Variants in ANO10 observed in about 807,000 individuals in gnomAD.
ANO10 encodes the protein anoctamin 10, also known as anoctamin-10.
Under a neutral mutation model 74.7 loss-of-function variants are expected in ANO10, and 77 were observed. The ratio of observed to expected loss-of-function variants is 1.03; its 90% CI spans 0.86 to 1.25. The LOEUF is 1.25. Ranked by LOEUF, ANO10 falls within the 50% of genes most tolerant of loss-of-function variation. ANO10 has a pLI of 0.00. For missense variants in ANO10, 721 were observed against 778.1 expected, an observed-to-expected ratio of 0.93 and a Z score of 0.87; for synonymous variants, 279 against 284.9, an observed-to-expected ratio of 0.98 and a Z score of 0.21.
At chr3:43,653,196 C>T (rs1238473538) in intron 1 of ANO10, among the ~76,000 whole-genome samples, 1 of 151,734 alleles carries the variant, frequency 6.6e-6, no homozygotes, top group African/African-American at 2.4e-5. Flanking sequence ...GGTGACAGAG[C>T]AAGACTCCGT....
intron 12 of ANO10, among the ~76,000 whole-genome samples, chr3:43,429,662 C>T (rs1227091745): frequency 6.6e-6 from 1 of 152,078 alleles, no homozygotes; most frequent in Non-Finnish European, 1.5e-5. Context: ...TAAACTGACA[C>T]CTAAAATCTT....
intron 1 of ANO10, among the ~76,000 whole-genome samples, chr3:43,663,154 G>C (rs2149573816): frequency 6.6e-6 from 1 of 152,280 alleles, no homozygotes; most frequent in Non-Finnish European, 1.5e-5. Context: ...TAAAATGCTG[G>C]CAAACCGAAT....
intron 12 of ANO10, among the ~76,000 whole-genome samples, chr3:43,426,106 T>C (rs1575757224): frequency 6.6e-6 from 1 of 151,716 alleles, no homozygotes; most frequent in African/African-American, 2.4e-5. Flanking sequence ...AGCCCATCCC[T>C]CCCCCGCCTC....
At chr3:43,690,802 G>A (rs2084352707) in intron 1 of ANO10, 3 of 474,528 alleles carry the variant, frequency 6.3e-6, no homozygotes, top group East Asian at 3.7e-5. Flanking sequence ...GCTGGCTGGG[G>A]ATGGCGGACG....
intron 11 of ANO10, among the ~76,000 whole-genome samples, chr3:43,479,785 C>T (rs2076199341): frequency 6.6e-6 from 1 of 152,126 alleles, no homozygotes. Flanking sequence ...GGAGATAGAG[C>T]CTAGGACCTC....
chr3:43,556,351 T>C (rs1413021205), intron 9 of ANO10, among the ~76,000 whole-genome samples: 2 of 152,168 alleles, frequency 1.3e-5, no homozygotes, highest in Admixed American at 6.5e-5. Flanking sequence ...AGGTGTGCTA[T>C]TGGGAAGCCT....
chr3:43,457,870 A>G (rs548334506), intron 11 of ANO10, among the ~76,000 whole-genome samples: 2 of 152,314 alleles, frequency 1.3e-5, no homozygotes, highest in East Asian at 3.9e-4. Flanking sequence ...AGAGTTCTGC[A>G]GTGGTGTACC....
chr3:43,638,267 T>G (rs547631611), intron 1 of ANO10, among the ~76,000 whole-genome samples: 7 of 152,358 alleles, frequency 4.6e-5, no homozygotes, highest in African/African-American at 1.7e-4. Flanking sequence ...GATATTTTTG[T>G]TGAAATTATG....
intron 11 of ANO10, among the ~76,000 whole-genome samples, chr3:43,544,473 T>C (rs1352442855): frequency 6.6e-6 from 1 of 151,848 alleles, no homozygotes; most frequent in Non-Finnish European, 1.5e-5. Context: ...CAGTTTCATC[T>C]GTACTAAATC....
intron 3 of ANO10, 80 bp from the exon 4 acceptor site, chr3:43,598,746 T>C: frequency 2.6e-6 from 3 of 1,171,900 alleles, no homozygotes; most frequent in Admixed American, 2.2e-5. Context: ...ACAGAAATAA[T>C]GGTATAAACA....
At position 43,509,083 on chromosome 3, in the gene ANO10, C is replaced by T. The variant is rs903839698; in HGVS notation, c.1797+40637G>A. Among the ~76,000 whole-genome samples the T allele has an allele frequency of 7.3e-5, 11 of 151,666 alleles. 1 individual carries two copies. The highest frequency in any genetic ancestry group is 1.5e-5 in the Non-Finnish European group (1 of 67,946). On this transcript the variant is annotated intron_variant, in intron 11 of 12. Transcript: ENST00000292246. ...GTCCTTTGTAGGGACACGGATGAAG[C>T]TGGAAACCATCATTCTGAGCAAACT...
chr3:43,679,622 G>A (rs1329008390), intron 1 of ANO10, among the ~76,000 whole-genome samples: 3 of 152,208 alleles, frequency 2.0e-5, no homozygotes, highest in Non-Finnish European at 2.9e-5. Flanking sequence ...CTGGAGATCT[G>A]AGAACGGACA....
At chr3:43,396,664 C>CT (rs915319040) in intron 12 of ANO10, among the ~76,000 whole-genome samples, 27 of 151,646 alleles carry the variant, frequency 1.8e-4, no homozygotes, top group African/African-American at 5.3e-4. Flanking sequence ...ATTGTTTTTT[C>CT]TTTTTTTTCC....
chr3:43,622,116 G>A (rs1291980788), upstream of ANO10: 1 of 152,864 alleles, frequency 6.5e-6, no homozygotes, highest in Non-Finnish European at 1.5e-5. Flanking sequence ...GCCTCACTGG[G>A]CGGTAGCTCC....
intron 1 of ANO10, among the ~76,000 whole-genome samples, chr3:43,688,232 A>G (rs2084299749): frequency 6.6e-6 from 1 of 152,154 alleles, no homozygotes; most frequent in Non-Finnish European, 1.5e-5. Flanking sequence ...AGGTCCATAA[A>G]GACCAAAGCG....
rs181272153 is a variant in ANO10 at position 43,496,333 on chromosome 3, C to T, written c.1797+53387G>A. Among the ~76,000 whole-genome samples, 7 of 152,290 alleles carry T rather than the reference C, an allele frequency of 4.6e-5. No individual in the cohort carries two copies. The East Asian group carries it at 1.2e-3, about 25-fold the overall frequency. On this transcript the variant is annotated intron_variant, in intron 11 of 12. Coordinates refer to ENST00000292246, the MANE Select transcript of ANO10 (RefSeq NM_018075.5). ...TACCTGTATATATTGACATATGCAA[C>T]CCCATTGTAGCCATGACAAACATGG...
chr3:43,483,175 C>T (rs551431772), intron 11 of ANO10, among the ~76,000 whole-genome samples: 7 of 152,276 alleles, frequency 4.6e-5, no homozygotes, highest in South Asian at 2.1e-4. Flanking sequence ...GATGATCATT[C>T]GTTTTTAAGA....
intron 11 of ANO10, among the ~76,000 whole-genome samples, chr3:43,479,524 C>T (rs1382351547): frequency 6.6e-6 from 1 of 152,038 alleles, no homozygotes; most frequent in Admixed American, 6.6e-5. Context: ...TACATCTGCC[C>T]TGAAGAGAGC....
intron 4 of ANO10, among the ~76,000 whole-genome samples, chr3:43,584,028 C>A (rs2081369694): frequency 1.3e-5 from 2 of 152,144 alleles, no homozygotes; most frequent in African/African-American, 4.8e-5. Context: ...TTAAAAACTC[C>A]TCTTTCTAAA....
Sources: gnomAD v4.1 joint callset for allele counts (sites outside exome capture counted in the v4.1 genomes callset) on GRCh38, gnomAD v4.1.1 for gene constraint, MANE v1.5 for transcripts, NCBI Gene and HGNC (gene_info 2026-07-23, HGNC 2026-07-21) for gene names.